The following ZNF224 variants were observed in gnomAD, a reference collection of about 807,000 sequenced individuals.
ZNF224 encodes the protein zinc finger protein 224.
ZNF224 carries 8 observed loss-of-function variants against 10.5 expected under a neutral mutation model. That is an observed-to-expected ratio of 0.76 (90% CI 0.45 to 1.37). The LOEUF (loss-of-function observed/expected upper bound fraction) is 1.37, where lower values mean the gene tolerates loss of function less well. Among genes scored for constraint, ZNF224 ranks in the 40% most tolerant of loss-of-function variants. The probability of loss-of-function intolerance (pLI) is 0.00; values close to 1 mark genes in which losing one functional copy is unlikely to be tolerated. For missense variants in ZNF224, 754 were observed against 854.0 expected, an observed-to-expected ratio of 0.88 and a Z score of 1.46; for synonymous variants, 282 against 287.8, an observed-to-expected ratio of 0.98 and a Z score of 0.20.
At chr19:44,105,515 AT>A (rs1204899230) in intron 5 of ZNF224, 1 of 120,210 alleles carries the variant, frequency 8.3e-6, no homozygotes, top group African/African-American at 3.3e-5. Context: ...TTTATTAAAA[AT>A]TTTATTTCAG....
At position 44,108,830 on chromosome 19, in the gene ZNF224, C is replaced by G. The variant is rs1214630318; in HGVS notation, c.*546C>G. 1 of 407,402 alleles carries G rather than the reference C, an allele frequency of 2.5e-6. No individual in the cohort carries two copies. Among genetic ancestry groups the G allele is most frequent in the African/African-American group, 2.0e-5 (1 of 49,468 alleles). 25.2% of individuals were successfully genotyped at this position (407,402 alleles called of 1,614,324 possible). On this transcript the variant is annotated 3_prime_UTR_variant, in exon 6 of 6. Transcript: ENST00000693561. ...AATTTTGTGTATCCAAAAAGGGAAGCCTGCAAAAAATAATTCTGGGAAACA... is the reference window on the plus strand; with the variant it reads ...AATTTTGTGTATCCAAAAAGGGAAGGCTGCAAAAAATAATTCTGGGAAACA...
rs775239738 is a variant in ZNF224 at position 44,108,117 on chromosome 19, AAATGTGAGG to A, written c.1959_1967del (p.Lys653_Asp656delinsAsn). On this transcript the variant is annotated inframe_deletion, in exon 6 of 6. Transcript: ENST00000693561. ...AGTTCACAGTGTAGAAAAGCCATAC[AAATGTGAGG>A]ACTGTGGGAAGGGCTACAACAGGCG... 1.9e-6 allele frequency: 3 copies of A among 1,614,212 alleles called. No individual in the cohort carries two copies. In the South Asian group the frequency reaches 3.3e-5, roughly 18 times the overall value.
Position 44,108,099 on chromosome 19 carries a change from A to G in ZNF224, c.1939A>G (p.Ser647Gly), listed in dbSNP as rs1281344500. Residue 647 changes from serine (S) to glycine (G), a missense_variant, in exon 6 of 6, where the codon AGT (serine) becomes GGT (glycine). By Grantham distance (56) the Ser-to-Gly change is moderately conservative (BLOSUM62 0). Transcript: ENST00000693561. The part of the protein sequence containing the change: ...SFSKVQEKVH[S>G]VEKPYKCEDC... The stretch of plus-strand genomic sequence containing the variant: ...CTCTAAAGTGCAAGAAAAAGTTCAC[A>G]GTGTAGAAAAGCCATACAAATGTGA... The G allele has an allele frequency of 6.2e-7, 1 of 1,612,304 alleles. No homozygotes were observed. Among genetic ancestry groups the G allele is most frequent in the East Asian group, 2.2e-5 (1 of 44,762 alleles).
chr19:44,095,960 T>C (rs1967427030), intron 1 of ZNF224: 1 of 151,736 alleles, frequency 6.6e-6, no homozygotes, highest in Non-Finnish European at 1.5e-5. Context: ...TTTTATTACC[T>C]ACGAATCCAT....
intron 3 of ZNF224, 106 bp from the exon 4 acceptor site, chr19:44,100,694 CA>C: frequency 7.1e-7 from 1 of 1,408,864 alleles, no homozygotes; most frequent in Non-Finnish European, 9.6e-7. Flanking sequence ...CTATGTCTCT[CA>C]AGATCCAAAA....
chr19:44,100,666 G>A, intron 3 of ZNF224, 135 bp from the exon 4 acceptor site: 1 of 1,129,790 alleles, frequency 8.9e-7, no homozygotes, highest in African/African-American at 1.5e-5. Context: ...AGAATGAGTA[G>A]GAAATCTACG....
At chr19:44,095,153 C>T in intron 1 of ZNF224, 1 of 239,240 alleles carries the variant, frequency 4.2e-6, no homozygotes, top group Middle Eastern at 5.1e-4. Context: ...GAGGGCAAAG[C>T]TCTACGTGAG....
chr19:44,095,968 C>T (rs1263272386), intron 1 of ZNF224: 2 of 151,290 alleles, frequency 1.3e-5, no homozygotes, highest in African/African-American at 4.8e-5. Flanking sequence ...CCTACGAATC[C>T]ATGAAGTAAA....
At position 44,107,796 on chromosome 19, in the gene ZNF224, G is replaced by A. The variant is rs1967725236; in HGVS notation, c.1636G>A (p.Gly546Arg). ...GERPYNCKEC[G>R]KSFGWASCLL... ...GAGACCATACAATTGTAAGGAATGT[G>A]GGAAGAGTTTTGGCTGGGCCTCGTG... Residue 546 changes from glycine (G) to arginine (R), a missense_variant, in exon 6 of 6, where the codon GGG (glycine) becomes AGG (arginine). Transcript: ENST00000693561. The A allele has an allele frequency of 6.2e-7, 1 of 1,601,602 alleles. No homozygotes were observed. The highest frequency in any genetic ancestry group is 1.4e-5 in the African/African-American group (1 of 74,010).
At chr19:44,102,503 A>G (rs1967569888) in intron 5 of ZNF224, among the ~76,000 whole-genome samples, 1 of 152,234 alleles carries the variant, frequency 6.6e-6, no homozygotes, top group African/African-American at 2.4e-5. Flanking sequence ...TCCTGAAATT[A>G]TGGAGAGAAC....
Position 44,109,361 on chromosome 19 carries a change from G to C in ZNF224, c.*1077G>C, listed in dbSNP as rs1412997626. 6.6e-6 allele frequency: 1 copy of C among 150,570 alleles called. No individual in the cohort carries two copies. The highest frequency in any genetic ancestry group is 1.9e-4 in the East Asian group (1 of 5,132). The allele number at this position is 150,570 out of a possible 1,614,324, so 9.3% of individuals were successfully genotyped here. On this transcript the variant is annotated 3_prime_UTR_variant, in exon 6 of 6. Transcript: ENST00000693561. ...CTCTGGTATAAAATATTCTAAATTT[G>C]AATGACAGCTTTTGTCAACCTTCTT...
rs757816477 is a variant in ZNF224, at chr19:44,106,450, A to G, written c.290A>G (p.Glu97Gly). ...ETVSEAGTHQ[E>G]WSFQQIWEKI... ...GTTTCAGAAGCAGGAACACATCAAG[A>G]GTGGTCCTTCCAGCAAATCTGGGAA... Residue 97 changes from glutamate to glycine, a missense_variant, in exon 6 of 6, where the codon GAG (glutamate) becomes GGG (glycine). Glu to Gly is a moderately conservative substitution (Grantham distance 98). Coordinates refer to ENST00000693561, the MANE Select transcript of ZNF224 (RefSeq NM_001321645.3). The G allele has an allele frequency of 1.2e-6, 2 of 1,614,058 alleles. No homozygotes were observed. Among genetic ancestry groups the G allele is most frequent in the African/African-American group, 2.7e-5 (2 of 74,932 alleles).
chr19:44,106,249 C>T (rs1319666172), intron 5 of ZNF224, 147 bp from the exon 6 acceptor site: 2 of 851,444 alleles, frequency 2.3e-6, no homozygotes, highest in East Asian at 2.7e-5. Flanking sequence ...TGGCCTCATC[C>T]AAACCAAAGA....
At chr19:44,105,454 A>C (rs774677903) in intron 5 of ZNF224, 11 of 152,222 alleles carry the variant, frequency 7.2e-5, no homozygotes, top group Non-Finnish European at 1.5e-4. Flanking sequence ...CACTAGGAAG[A>C]GTAGCAGGTA....
intron 4 of ZNF224, 44 bp from the exon 5 acceptor site, chr19:44,101,089 C>G: frequency 6.2e-7 from 1 of 1,611,648 alleles, no homozygotes; most frequent in Non-Finnish European, 8.5e-7. Context: ...TTGATATTAC[C>G]TAGAATGTGT....
Position 44,108,318 on chromosome 19 carries a change from C to A in ZNF224, c.*34C>A, listed in dbSNP as rs1341164479. ...TGGTGCAATAAAGTCTTCACTCAGT[C>A]TTCATGAATGCAGTCTCATCTGAAA... On this transcript the variant is annotated 3_prime_UTR_variant, in exon 6 of 6. Transcript: ENST00000693561. 1 of 1,562,656 alleles carries A rather than the reference C, an allele frequency of 6.4e-7. No homozygotes were observed. Among genetic ancestry groups the A allele is most frequent in the South Asian group, 1.2e-5 (1 of 82,468 alleles).
chr19:44,098,002 C>T, intron 3 of ZNF224, 114 bp downstream of exon 3: 2 of 1,154,732 alleles, frequency 1.7e-6, no homozygotes, highest in Admixed American at 2.3e-5. Context: ...TTGAGGATCT[C>T]TTGTGTACCA....
intron 5 of ZNF224, chr19:44,106,000 G>A (rs181275143): frequency 1.7e-4 from 31 of 182,568 alleles, no homozygotes; most frequent in Middle Eastern, 2.6e-3. Flanking sequence ...TCCTTTTGAT[G>A]TAAGGACTTC....
At chr19:44,104,618 G>C (rs1020652038) in intron 5 of ZNF224, among the ~76,000 whole-genome samples, 3 of 152,000 alleles carry the variant, frequency 2.0e-5, no homozygotes, top group African/African-American at 7.2e-5. Context: ...GAATTAAGGT[G>C]TGACGTAGAG....
Sources: gnomAD v4.1 joint callset for allele counts (sites outside exome capture counted in the v4.1 genomes callset) on GRCh38, gnomAD v4.1.1 for gene constraint, MANE v1.5 for transcripts, NCBI Gene and HGNC (gene_info 2026-07-23, HGNC 2026-07-21) for gene names.